CD226: variants seen among roughly 807,000 people sequenced by gnomAD.
CD226 encodes the protein CD226 molecule.
CD226 carries 24 observed loss-of-function variants against 34.9 expected under a neutral mutation model. The observed-to-expected ratio is 0.69, with a 90% confidence interval of 0.50 to 0.97. CD226 has a LOEUF of 0.97. CD226 is among the 50% of genes least tolerant of loss of function. CD226 has a pLI of 0.00. For synonymous variants in CD226, 148 were observed against 147.4 expected (o/e 1.00, Z -0.03); for missense variants, 397 against 412.7 (o/e 0.96, Z 0.33).
In CD226 at chr18:69,864,531, A is replaced by C. The variant is rs534761940; in HGVS notation, c.886-92T>G. On this transcript the variant is annotated intron_variant, in intron 5 of 5. Coordinates refer to ENST00000582621, the MANE Select transcript of CD226 (RefSeq NM_001303618.2). ...AAACATACCTCTCATAAATGCAGGC[A>C]TGATATGGGACAAGTTTCCATTATA... 2.6e-5 allele frequency: 32 copies of C among 1,217,096 alleles called. No homozygotes were observed. The East Asian group carries it at 7.5e-4, about 29-fold the overall frequency. The allele number at this position is 1,217,096 out of a possible 1,614,324, so 75.4% of individuals were successfully genotyped here.
Position 69,856,171 on chromosome 18 carries a change from A to T in CD226, c.*8143T>A, listed in dbSNP as rs1476144356. The stretch of plus-strand genomic sequence containing the variant: ...TGAAAGTTATGTTAATATCAGAAAA[A>T]GCAGACAGAACAAGAAAGATTATCA... On this transcript the variant is annotated 3_prime_UTR_variant, in exon 6 of 6. Coordinates refer to ENST00000582621, the MANE Select transcript of CD226 (RefSeq NM_001303618.2). The T allele has an allele frequency of 6.6e-6, 1 of 152,174 alleles. No individual in the cohort carries two copies. The highest frequency in any genetic ancestry group is 1.5e-5 in the Non-Finnish European group (1 of 68,008). 9.4% of individuals were successfully genotyped at this position (152,174 alleles called of 1,614,324 possible). A position where few individuals can be genotyped will look rare whatever the true frequency, so the allele number is the denominator to read the frequency against.
At chr18:69,949,934 CCA>C (rs1049296154), upstream of CD226, among the ~76,000 whole-genome samples, 19 of 151,890 alleles carry the variant, frequency 1.3e-4, no homozygotes, top group African/African-American at 4.1e-4. Flanking sequence ...AAACACACAT[CCA>C]CACACACGCA....
At chr18:69,891,300 ACT>A (rs1371285256) in intron 3 of CD226, among the ~76,000 whole-genome samples, 1 of 151,530 alleles carries the variant, frequency 6.6e-6, no homozygotes, top group Non-Finnish European at 1.5e-5. Flanking sequence ...AAAAAAAAAA[ACT>A]CTCAACAAAT....
At chr18:69,865,348 T>C (rs988326951) in intron 5 of CD226, among the ~76,000 whole-genome samples, 4 of 152,212 alleles carry the variant, frequency 2.6e-5, no homozygotes, top group Non-Finnish European at 5.9e-5. Context: ...TGATTACTTA[T>C]AGAGGTTATC....
At chr18:69,942,844 C>T (rs1251534176) in intron 2 of CD226, among the ~76,000 whole-genome samples, 3 of 152,174 alleles carry the variant, frequency 2.0e-5, no homozygotes, top group Non-Finnish European at 4.4e-5. Flanking sequence ...CTCCACTGTG[C>T]CCTTCTTTAA....
intron 3 of CD226, 68 bp downstream of exon 3, chr18:69,895,633 A>T (rs1187947473): frequency 8.6e-7 from 1 of 1,156,358 alleles, no homozygotes; most frequent in African/African-American, 1.5e-5. Flanking sequence ...ATAAATAAAA[A>T]CAGAGACCAG....
chr18:69,866,534 T>G (rs935816227), intron 5 of CD226, among the ~76,000 whole-genome samples: 43 of 152,292 alleles, frequency 2.8e-4, no homozygotes, highest in African/African-American at 9.6e-4. Context: ...CACTAATAAC[T>G]TACCTCCAAA....
chr18:69,943,839 T>C (rs1006027200), intron 2 of CD226, among the ~76,000 whole-genome samples: 1 of 152,168 alleles, frequency 6.6e-6, no homozygotes, highest in South Asian at 2.1e-4. Context: ...CCAGACTATG[T>C]AAAATTCCGC....
At chr18:69,937,812 T>C (rs1480875214) in intron 2 of CD226, among the ~76,000 whole-genome samples, 1 of 152,282 alleles carries the variant, frequency 6.6e-6, no homozygotes, top group African/African-American at 2.4e-5. Context: ...TCAACTAATA[T>C]ATAGGCCAGC....
upstream of CD226, among the ~76,000 whole-genome samples, chr18:69,960,223 G>C (rs190730898): frequency 4.4e-4 from 66 of 148,412 alleles, no homozygotes; most frequent in East Asian, 0.012. Flanking sequence ...CTGGGTGACA[G>C]AGCGAGACTC....
At chr18:69,893,684 A>G (rs1207076427) in intron 3 of CD226, among the ~76,000 whole-genome samples, 1 of 152,208 alleles carries the variant, frequency 6.6e-6, no homozygotes, top group Non-Finnish European at 1.5e-5. Context: ...CAGAGTCAAC[A>G]TTTAAAATGA....
At chr18:69,872,252 C>T (rs1389407536) in intron 4 of CD226, among the ~76,000 whole-genome samples, 1 of 152,056 alleles carries the variant, frequency 6.6e-6, no homozygotes, top group Non-Finnish European at 1.5e-5. Flanking sequence ...AGCTGTAATA[C>T]ATTATAAGGA....
chr18:69,860,606 A>T lies in CD226; in HGVS notation c.*3708T>A, dbSNP rs1426694980. On this transcript the variant is annotated 3_prime_UTR_variant, in exon 6 of 6. Transcript: ENST00000582621. ...TAGAAATAGAGAAGCTTTTAAAAAAATTAACTTGTTTTTAGTTTTCAGATA... is the reference window on the plus strand; with the variant it reads ...TAGAAATAGAGAAGCTTTTAAAAAATTTAACTTGTTTTTAGTTTTCAGATA... 1.3e-5 allele frequency: 2 copies of T among 152,150 alleles called. No homozygotes were observed. The allele number at this position is 152,150 out of a possible 1,614,324, so 9.4% of individuals were successfully genotyped here.
chr18:69,942,665 A>C (rs2055740322), intron 2 of CD226, among the ~76,000 whole-genome samples: 1 of 152,178 alleles, frequency 6.6e-6, no homozygotes, highest in African/African-American at 2.4e-5. Context: ...TGGTGCATGC[A>C]GGGAGAGAGT....
chr18:69,873,182 A>G lies in CD226; in HGVS notation c.792T>C (p.Val264=). The G allele has an allele frequency of 6.2e-7, 1 of 1,610,476 alleles. No homozygotes were observed. Residue 264 remains valine (V), a synonymous_variant, in exon 4 of 6, where the codon GTT becomes GTC. Coordinates refer to ENST00000582621, the MANE Select transcript of CD226 (RefSeq NM_001303618.2). The part of the protein sequence containing the change: ...AGGTVLLLLF[V]ISITTIIVIF... Reference sequence around the variant, plus strand: ...TGACAATGATGGTGGTAATTGAGATAACAAACAACAACAATAAAACTGTCC... The same window carrying G: ...TGACAATGATGGTGGTAATTGAGATGACAAACAACAACAATAAAACTGTCC...
rs2145164807 is a variant in CD226 at position 69,861,380 on chromosome 18, A to T, written c.*2934T>A. ...TGCATAGTCATCATAGTTCAATAAG[A>T]TGTGTTCTTTCCCTGACAAAACTGT... On this transcript the variant is annotated 3_prime_UTR_variant, in exon 6 of 6. Transcript: ENST00000582621. 1 of 151,230 alleles carries T rather than the reference A, an allele frequency of 6.6e-6. No individual in the cohort carries two copies. The highest frequency in any genetic ancestry group is 2.1e-4 in the South Asian group (1 of 4,814). The allele number at this position is 151,230 out of a possible 1,614,324, so 9.4% of individuals were successfully genotyped here.
intron 2 of CD226, among the ~76,000 whole-genome samples, chr18:69,902,363 G>A (rs528614310): frequency 3.3e-5 from 5 of 152,032 alleles, no homozygotes; most frequent in African/African-American, 1.2e-4. Context: ...TGTGTGCTTC[G>A]ACACAATCGA....
intron 2 of CD226, among the ~76,000 whole-genome samples, chr18:69,945,485 T>A (rs144722566): frequency 6.6e-6 from 1 of 152,140 alleles, no homozygotes; most frequent in Non-Finnish European, 1.5e-5. Context: ...CAAGGGATCA[T>A]TGGGTTCTTT....
chr18:69,905,682 T>C (rs543217652), intron 2 of CD226, among the ~76,000 whole-genome samples: 4 of 152,112 alleles, frequency 2.6e-5, no homozygotes, highest in Non-Finnish European at 5.9e-5. Context: ...TTACTGGGTG[T>C]AAATAAAACA....
Sources: gnomAD v4.1 joint callset for allele counts (sites outside exome capture counted in the v4.1 genomes callset) on GRCh38, gnomAD v4.1.1 for gene constraint, MANE v1.5 for transcripts, NCBI Gene and HGNC (gene_info 2026-07-23, HGNC 2026-07-21) for gene names.